Variants in SUGCT observed in about 807,000 individuals in gnomAD.
SUGCT encodes succinyl-CoA:glutarate-CoA transferase.
A neutral mutation model predicts 55.0 loss-of-function variants in SUGCT; 41 were observed. The observed-to-expected ratio is 0.74, with a 90% CI of 0.58 to 0.97. The LOEUF (loss-of-function observed/expected upper bound fraction) is 0.97, where lower values mean the gene tolerates loss of function less well. SUGCT is among the 50% of genes least tolerant of loss of function. SUGCT has a pLI of 0.00. For missense variants in SUGCT, 568 were observed against 547.8 expected (o/e 1.04, Z -0.37); for synonymous variants, 187 against 200.4 (o/e 0.93, Z 0.56).
At chr7:40,992,625 A>G in the SUGCT span, among the ~76,000 whole-genome samples, 2 of 151,966 alleles carry the variant, frequency 1.3e-5, no homozygotes, top group African/African-American at 2.4e-5. Context: ...TATTCTGAAA[A>G]GGGTTTTTCT....
At chr7:40,904,736 T>C in the SUGCT span, among the ~76,000 whole-genome samples, 21 of 152,194 alleles carry the variant, frequency 1.4e-4, no homozygotes, top group Non-Finnish European at 2.5e-4. Flanking sequence ...TGAAGACATA[T>C]ATTATTGCCT....
chr7:40,878,494 A>T, the SUGCT span, among the ~76,000 whole-genome samples: 1 of 152,204 alleles, frequency 6.6e-6, no homozygotes, highest in Non-Finnish European at 1.5e-5. Flanking sequence ...TTGGGCTGAA[A>T]AGCCCTAGAT....
Position 40,161,677 on chromosome 7 carries a change from T to C in SUGCT, c.101-19270T>C, listed in dbSNP as rs528351878. Among the ~76,000 whole-genome samples the C allele has an allele frequency of 1.1e-4, 16 of 152,322 alleles. No homozygotes were observed. The South Asian group carries it at 2.5e-3, about 24-fold the overall frequency. ...GGTTTGTGAGCATTCTTATATTGAA[T>C]AGTAATTTGCAGTGATCATTTCCCC... is the stretch of plus-strand genomic sequence containing the variant. On this transcript the variant is annotated intron_variant, in intron 1 of 13. Coordinates refer to ENST00000335693, the MANE Select transcript of SUGCT (RefSeq NM_001193313.2).
intron 7 of SUGCT, among the ~76,000 whole-genome samples, chr7:40,267,666 C>A (rs897963632): frequency 6.6e-6 from 1 of 152,034 alleles, no homozygotes; most frequent in African/African-American, 2.4e-5. Flanking sequence ...GGGGGTTGTA[C>A]CTTGTAGATA....
intron 12 of SUGCT, among the ~76,000 whole-genome samples, chr7:40,647,924 C>T (rs1297143201): frequency 6.6e-6 from 1 of 152,106 alleles, no homozygotes; most frequent in Non-Finnish European, 1.5e-5. Context: ...TTCATTATTA[C>T]CTTATGAGTA....
Position 40,282,745 on chromosome 7 carries a change from C to T in SUGCT, c.720+8089C>T, listed in dbSNP as rs1352387788. Among the ~76,000 whole-genome samples, 3 of 151,888 alleles carry T rather than the reference C, an allele frequency of 2.0e-5. No homozygotes were observed. The South Asian group carries it at 6.2e-4, about 32-fold the overall frequency. ...AATTACCCGGGCATGGTTGTGAGCA[C>T]CTGTCACAACCATGTGAGGCTGAGG... On this transcript the variant is annotated intron_variant, in intron 8 of 13. Coordinates refer to ENST00000335693, the MANE Select transcript of SUGCT (RefSeq NM_001193313.2).
chr7:41,005,373 C>A, the SUGCT span, among the ~76,000 whole-genome samples: 1 of 152,082 alleles, frequency 6.6e-6, no homozygotes, highest in East Asian at 1.9e-4. Context: ...CCCATCCCCC[C>A]ACCCATGAGG....
chr7:40,634,507 A>G (rs927880199), intron 12 of SUGCT, among the ~76,000 whole-genome samples: 4 of 152,316 alleles, frequency 2.6e-5, no homozygotes, highest in Non-Finnish European at 4.4e-5. Flanking sequence ...GACTTCTACT[A>G]TAAGACCTGG....
chr7:40,173,983 C>T (rs1224257228), intron 1 of SUGCT, among the ~76,000 whole-genome samples: 1 of 150,614 alleles, frequency 6.6e-6, no homozygotes, highest in Non-Finnish European at 1.5e-5. Context: ...CTCTGTTGCT[C>T]AGGCTAGAAT....
chr7:40,979,953 C>T, the SUGCT span: 1 of 152,154 alleles, frequency 6.6e-6, no homozygotes, highest in Non-Finnish European at 1.5e-5. Context: ...TTCATCTGCT[C>T]AGGCTGTCAT....
chr7:40,745,039 A>G (rs1787661709), intron 12 of SUGCT, among the ~76,000 whole-genome samples: 1 of 152,178 alleles, frequency 6.6e-6, no homozygotes, highest in South Asian at 2.1e-4. Flanking sequence ...TACATTTTTA[A>G]TGCAGGTTCA....
intron 13 of SUGCT, among the ~76,000 whole-genome samples, chr7:40,813,566 T>G (rs2128759938): frequency 6.6e-6 from 1 of 152,308 alleles, no homozygotes; most frequent in African/African-American, 2.4e-5. Flanking sequence ...TTTTGTGTGG[T>G]GGATCTTCCT....
chr7:40,844,643 C>T (rs1921754), intron 13 of SUGCT, among the ~76,000 whole-genome samples: 33,124 of 152,028 alleles, frequency 0.22, 4,752 homozygotes, highest in East Asian at 0.8. Flanking sequence ...GGCAACATTT[C>T]GGGTGGGAAA....
In SUGCT at chr7:40,182,260, C is replaced by T. The variant is rs76472857; in HGVS notation, c.226+232C>T. ...GGCTCAAGCCAGTTTCTTCTTTGCA[C>T]CTGAAGGCTTTTGTTAGAAGCTGAG... On this transcript the variant is annotated intron_variant, in intron 3 of 13. Transcript: ENST00000335693. Among the ~76,000 whole-genome samples, 56 of 152,158 alleles carry T rather than the reference C, an allele frequency of 3.7e-4. No individual in the cohort carries two copies. In the East Asian group the frequency reaches 0.01, roughly 27 times the overall value.
At chr7:40,942,057 A>T in the SUGCT span, among the ~76,000 whole-genome samples, 8 of 152,086 alleles carry the variant, frequency 5.3e-5, no homozygotes, top group Non-Finnish European at 7.4e-5. Flanking sequence ...TTTAGACCAC[A>T]TTTAACATTA....
At chr7:40,665,949 G>A (rs1801606793) in intron 12 of SUGCT, among the ~76,000 whole-genome samples, 1 of 152,050 alleles carries the variant, frequency 6.6e-6, no homozygotes, top group African/African-American at 2.4e-5. Context: ...ATATATGCAG[G>A]CTTATATACT....
At chr7:41,015,320 C>T in the SUGCT span, among the ~76,000 whole-genome samples, 71 of 152,276 alleles carry the variant, frequency 4.7e-4, no homozygotes, top group African/African-American at 1.6e-3. Flanking sequence ...TATTTGTACA[C>T]ATGTTAACTT....
At chr7:40,851,227 T>G (rs1793834268) in intron 13 of SUGCT, among the ~76,000 whole-genome samples, 1 of 152,126 alleles carries the variant, frequency 6.6e-6, no homozygotes, top group Non-Finnish European at 1.5e-5. Flanking sequence ...AGATCTATAT[T>G]TGCATCTGTC....
chr7:40,553,825 C>G (rs1795428636), intron 12 of SUGCT, among the ~76,000 whole-genome samples: 1 of 152,152 alleles, frequency 6.6e-6, no homozygotes, highest in Non-Finnish European at 1.5e-5. Flanking sequence ...ATGCGAGTAT[C>G]CCCTATATCA....
Sources: allele counts gnomAD v4.1 joint callset (sites outside exome capture counted in the v4.1 genomes callset), GRCh38; gene constraint gnomAD v4.1.1; transcripts MANE v1.5; gene names NCBI Gene and HGNC (gene_info 2026-07-23, HGNC 2026-07-21).